Variants in MAF observed in about 807,000 individuals in gnomAD.
MAF encodes the protein MAF bZIP transcription factor.
Under a neutral mutation model 22.0 loss-of-function variants are expected in MAF, and 10 were observed. That is an observed-to-expected ratio of 0.45 (90% CI 0.28 to 0.77). MAF has a LOEUF of 0.77. Ranked by LOEUF, MAF falls within the 30% of genes least tolerant of loss-of-function variation. MAF has a pLI of 0.12. For synonymous variants in MAF, 337 were observed against 255.8 expected, an observed-to-expected ratio of 1.32 and a Z score of -3.03; for missense variants, 544 against 548.4, an observed-to-expected ratio of 0.99 and a Z score of 0.08.
At chr16:79,555,186 C>T in the MAF span, among the ~76,000 whole-genome samples, 3 of 152,186 alleles carry the variant, frequency 2.0e-5, no homozygotes, top group Non-Finnish European at 4.4e-5. Flanking sequence ...TTTGTATTTG[C>T]TTCCATCCTC....
chr16:79,371,548 G>A, the MAF span, among the ~76,000 whole-genome samples: 1 of 152,012 alleles, frequency 6.6e-6, no homozygotes, highest in African/African-American at 2.4e-5. Flanking sequence ...CGCCTTCTAG[G>A]CACACTGGAC....
the MAF span, among the ~76,000 whole-genome samples, chr16:79,574,635 G>A: frequency 1.3e-5 from 2 of 152,236 alleles, no homozygotes; most frequent in African/African-American, 4.8e-5. Flanking sequence ...GTGAGACTCA[G>A]CAGGGCAATC....
chr16:79,538,570 A>G, the MAF span, among the ~76,000 whole-genome samples: 1 of 152,234 alleles, frequency 6.6e-6, no homozygotes, highest in South Asian at 2.1e-4. Context: ...TTATACATGT[A>G]AAAATATAAC....
chr16:79,222,967 G>C, the MAF span, among the ~76,000 whole-genome samples: 1 of 152,158 alleles, frequency 6.6e-6, no homozygotes, highest in Non-Finnish European at 1.5e-5. Flanking sequence ...CGACGAGACA[G>C]AAAATTAACA....
At chr16:79,375,852 C>A in the MAF span, among the ~76,000 whole-genome samples, 1 of 152,176 alleles carries the variant, frequency 6.6e-6, no homozygotes, top group Non-Finnish European at 1.5e-5. Context: ...ACCTGGGAAG[C>A]ATACCATCAT....
chr16:79,401,193 C>T, the MAF span, among the ~76,000 whole-genome samples: 69 of 152,334 alleles, frequency 4.5e-4, no homozygotes, highest in African/African-American at 1.5e-3. Context: ...CCTATTCTCC[C>T]GCGTGGATTT....
the MAF span, among the ~76,000 whole-genome samples, chr16:79,444,644 G>A: frequency 6.6e-6 from 1 of 152,196 alleles, no homozygotes; most frequent in Non-Finnish European, 1.5e-5. Flanking sequence ...CATGTTTAGT[G>A]CACCACGAGA....
At chr16:79,444,703 G>A in the MAF span, among the ~76,000 whole-genome samples, 1 of 152,220 alleles carries the variant, frequency 6.6e-6, no homozygotes, top group African/African-American at 2.4e-5. Context: ...CTACAACACT[G>A]TTTCTGGGTG....
chr16:79,251,793 A>C, the MAF span, among the ~76,000 whole-genome samples: 1 of 152,252 alleles, frequency 6.6e-6, no homozygotes, highest in African/African-American at 2.4e-5. Flanking sequence ...CCAAGCGATC[A>C]GGTATCTATT....
chr16:79,514,296 G>A, the MAF span, among the ~76,000 whole-genome samples: 2 of 152,220 alleles, frequency 1.3e-5, no homozygotes, highest in African/African-American at 4.8e-5. Flanking sequence ...ATGTGTAGCA[G>A]AATTCTTTTA....
the MAF span, among the ~76,000 whole-genome samples, chr16:79,495,642 C>T: frequency 6.6e-6 from 1 of 152,100 alleles, no homozygotes; most frequent in Non-Finnish European, 1.5e-5. Flanking sequence ...ATTATTCTGC[C>T]TGCCGCGACT....
At chr16:79,206,010 C>T in the MAF span, 30 of 152,260 alleles carry the variant, frequency 2.0e-4, no homozygotes, top group African/African-American at 6.5e-4. Flanking sequence ...CATTTTGAAT[C>T]GGACGACCTT....
At chr16:79,276,451 C>T in the MAF span, among the ~76,000 whole-genome samples, 77 of 152,304 alleles carry the variant, frequency 5.1e-4, no homozygotes, top group East Asian at 5.8e-4. Context: ...TCCTTAGGGA[C>T]ACGTCTCCAT....
At chr16:79,410,746 A>G in the MAF span, among the ~76,000 whole-genome samples, 1 of 152,232 alleles carries the variant, frequency 6.6e-6, no homozygotes, top group Non-Finnish European at 1.5e-5. Context: ...AGAGTTGTTC[A>G]TCTTCCAGAG....
chr16:79,403,513 G>A, the MAF span, among the ~76,000 whole-genome samples: 1 of 152,152 alleles, frequency 6.6e-6, no homozygotes, highest in Admixed American at 6.5e-5. Flanking sequence ...CCCACTGCCA[G>A]GAACACCCTC....
At chr16:79,572,552 G>A in the MAF span, among the ~76,000 whole-genome samples, 3 of 152,182 alleles carry the variant, frequency 2.0e-5, no homozygotes, top group East Asian at 3.8e-4. Context: ...CTACCTGGAC[G>A]GTTTCACATT....
chr16:79,557,175 T>TTGTTTTA, the MAF span, among the ~76,000 whole-genome samples: 1 of 150,926 alleles, frequency 6.6e-6, no homozygotes, highest in African/African-American at 2.4e-5. Flanking sequence ...TAGTTTTTTT[T>TTGTTTTA]ATTCAATTCC....
At chr16:79,230,071 G>C in the MAF span, among the ~76,000 whole-genome samples, 2 of 152,122 alleles carry the variant, frequency 1.3e-5, no homozygotes, top group African/African-American at 4.8e-5. Flanking sequence ...CACTGAGAAT[G>C]TATTTAATCA....
At chr16:79,267,160 T>C in the MAF span, among the ~76,000 whole-genome samples, 1 of 152,348 alleles carries the variant, frequency 6.6e-6, no homozygotes, top group Non-Finnish European at 1.5e-5. Flanking sequence ...TCAATTTTGC[T>C]GAAGTTACAG....
Sources: gnomAD v4.1 joint callset for allele counts (sites outside exome capture counted in the v4.1 genomes callset) on GRCh38, gnomAD v4.1.1 for gene constraint, MANE v1.5 for transcripts, NCBI Gene and HGNC (gene_info 2026-07-23, HGNC 2026-07-21) for gene names.